Variants in LAMB4 observed in about 807,000 individuals in gnomAD.
LAMB4 encodes the protein laminin subunit beta 4.
Under a neutral mutation model 199.2 loss-of-function variants are expected in LAMB4, and 196 were observed. The observed-to-expected ratio is 0.98, with a 90% CI of 0.88 to 1.11. LAMB4 has a LOEUF of 1.11. Among genes scored for constraint, LAMB4 ranks in the 50% least tolerant of loss-of-function variants. The pLI is 0.00. For missense variants in LAMB4, 2,080 were observed against 2,171.2 expected (o/e 0.96, Z 0.83); for synonymous variants, 744 against 770.6 (o/e 0.97, Z 0.57).
In LAMB4 at chr7:108,103,119, GC is replaced by G. The variant is rs1388819649; in HGVS notation, c.1104del (p.Gln369SerfsTer41). The G allele has an allele frequency of 6.2e-7, 1 of 1,613,762 alleles. No homozygotes were observed. The highest frequency in any genetic ancestry group is 1.7e-5 in the Admixed American group (1 of 59,998). ...VCEDCQHNTE[G>X]QHCDRCRPLF... ...AGGGGTCTGCAGCGGTCGCAGTGCT[GC>G]CCCTCAGTGTTGTGCTGGCAGTCTT... On this transcript the variant is annotated frameshift_variant, in exon 10 of 34. Coordinates refer to ENST00000388781, the MANE Select transcript of LAMB4 (RefSeq NM_007356.3). LOFTEE classifies it high-confidence loss of function.
chr7:108,091,890 A>C, intron 13 of LAMB4, 114 bp from the exon 14 acceptor site: 1 of 1,004,524 alleles, frequency 1.0e-6, no homozygotes, highest in Non-Finnish European at 1.5e-6. Context: ...AGAATCAGTC[A>C]ATCAATGGTC....
Position 108,092,344 on chromosome 7 carries a change from A to G in LAMB4, c.1543T>C (p.Ser515Pro). Residue 515 changes from serine to proline, a missense_variant, in exon 13 of 34, where the codon TCT (serine) becomes CCT (proline). Coordinates refer to ENST00000388781, the MANE Select transcript of LAMB4 (RefSeq NM_007356.3). ...AAAACTTATTTGACTTACACGTTAG[A>G]ATAAGCACCTCCAATATCACAGTCA... ...PCDCDIGGAY[S>P]NVCSPKNGQC... 6.2e-7 allele frequency: 1 copy of G among 1,612,892 alleles called. No individual in the cohort carries two copies. Among genetic ancestry groups the G allele is most frequent in the Non-Finnish European group, 8.5e-7 (1 of 1,178,846 alleles).
At chr7:108,013,839 C>A in the LAMB4 span, among the ~76,000 whole-genome samples, 1 of 152,040 alleles carries the variant, frequency 6.6e-6, no homozygotes, top group African/African-American at 2.4e-5. Flanking sequence ...AATTACTATG[C>A]TGGACCCATG....
At chr7:108,041,015 T>A (rs1018994903) in intron 29 of LAMB4, among the ~76,000 whole-genome samples, 7 of 151,808 alleles carry the variant, frequency 4.6e-5, no homozygotes, top group African/African-American at 1.7e-4. Flanking sequence ...CTGACAAAGG[T>A]CTAATATCCA....
chr7:108,084,698 C>G (rs1410215959), intron 14 of LAMB4, among the ~76,000 whole-genome samples: 2 of 151,462 alleles, frequency 1.3e-5, no homozygotes, highest in Non-Finnish European at 2.9e-5. Flanking sequence ...CCGATAGCCC[C>G]AAGAAGCCAA....
chr7:108,022,977 G>A (rs762118499), downstream of LAMB4, among the ~76,000 whole-genome samples: 33 of 151,820 alleles, frequency 2.2e-4, no homozygotes, highest in Admixed American at 1.8e-3. Context: ...ATGCCCAGCT[G>A]ATTTTTTTGT....
At chr7:108,082,947 G>C (rs62468027) in intron 14 of LAMB4, among the ~76,000 whole-genome samples, 1 of 152,194 alleles carries the variant, frequency 6.6e-6, no homozygotes, top group African/African-American at 2.4e-5. Flanking sequence ...AAATTTAACC[G>C]TGGTATAGTC....
rs200024980 is a variant in LAMB4 at position 108,092,404 on chromosome 7, C to G, written c.1483G>C (p.Gly495Arg). 82 of 1,613,842 alleles carry G rather than the reference C, an allele frequency of 5.1e-5. No individual in the cohort carries two copies. Among genetic ancestry groups the G allele is most frequent in the Non-Finnish European group, 6.9e-5 (81 of 1,179,786 alleles). Residue 495 changes from glycine (G) to arginine (R), a missense_variant, in exon 13 of 34, where the codon GGC (glycine) becomes CGC (arginine). By Grantham distance (125) the Gly-to-Arg change is moderately radical. Coordinates refer to ENST00000388781, the MANE Select transcript of LAMB4 (RefSeq NM_007356.3). ...CACCCATGGAGATGATTTCCCAGGCCCCAGTATCCAACCTACAGAGAAAAA... is the reference window on the plus strand; with the variant it reads ...CACCCATGGAGATGATTTCCCAGGCGCCAGTATCCAACCTACAGAGAAAAA... ...HCEECTVGYWGLGNHLHGCSP... is the reference protein window; with the variant it reads ...HCEECTVGYWRLGNHLHGCSP...
chr7:108,125,926 C>T (rs747871737), intron 1 of LAMB4, among the ~76,000 whole-genome samples: 9 of 152,188 alleles, frequency 5.9e-5, no homozygotes, highest in Non-Finnish European at 1.3e-4. Flanking sequence ...GGTCATGGTA[C>T]AAAGACTACT....
intron 31 of LAMB4, among the ~76,000 whole-genome samples, chr7:108,033,589 CAT>C (rs957242816): frequency 4.0e-5 from 6 of 151,668 alleles, no homozygotes; most frequent in African/African-American, 1.5e-4. Flanking sequence ...TTGTATTTTT[CAT>C]AGAGACGGGG....
Position 108,048,021 on chromosome 7 carries a change from C to A in LAMB4, c.4213G>T (p.Gly1405Cys), listed in dbSNP as rs766166812. The stretch of plus-strand genomic sequence containing the variant: ...GTCAGGGAGCCGTGACAGCCGGGAC[C>A]CCTACACTTCCTGTGCCCCTTCCGG... ...TGRKGHRKCR[G>C]PGCHGSLTLS... The change falls in exon 28 of 34, where the codon GGT (glycine) becomes TGT (cysteine). Residue 1405 changes from glycine (G) to cysteine (C), a missense_variant. Physicochemically the swap from Gly to Cys is radical, Grantham distance 159. Coordinates refer to ENST00000388781, the MANE Select transcript of LAMB4 (RefSeq NM_007356.3). The A allele has an allele frequency of 6.2e-6, 10 of 1,614,100 alleles. No individual in the cohort carries two copies. Among genetic ancestry groups the A allele is most frequent in the East Asian group, 2.2e-5 (1 of 44,896 alleles).
chr7:108,094,401 A>G (rs927458901), intron 12 of LAMB4, among the ~76,000 whole-genome samples: 1 of 152,072 alleles, frequency 6.6e-6, no homozygotes, highest in South Asian at 2.1e-4. Context: ...TCCCTTCTTC[A>G]TATTTCCTTC....
At chr7:108,110,304 C>T (rs577772235) in intron 4 of LAMB4, among the ~76,000 whole-genome samples, 1 of 152,322 alleles carries the variant, frequency 6.6e-6, no homozygotes, top group Admixed American at 6.5e-5. Context: ...GCTGGGATTA[C>T]AGGTGTGAGC....
chr7:108,029,716 G>T (rs563817033), intron 32 of LAMB4, among the ~76,000 whole-genome samples: 1 of 152,194 alleles, frequency 6.6e-6, no homozygotes, highest in African/African-American at 2.4e-5. Flanking sequence ...CCCTTGAATA[G>T]AATGGAAATC....
At position 108,106,420 on chromosome 7, in the gene LAMB4, GAA is replaced by G. The variant is rs111986177; in HGVS notation, c.655+87_655+88del. On this transcript the variant is annotated intron_variant, in intron 7 of 33. Coordinates refer to ENST00000388781, the MANE Select transcript of LAMB4 (RefSeq NM_007356.3). ...ATGACAGGGCAAGACTCCGTCTCAAGAAAAAAAAAAAAGAAAAGCAATTACAA... is the reference window on the plus strand; with the variant it reads ...ATGACAGGGCAAGACTCCGTCTCAAGAAAAAAAAAAGAAAAGCAATTACAA... 3.6e-3 allele frequency: 2,428 copies of G among 669,130 alleles called. 1 individual carries two copies. Among genetic ancestry groups the G allele is most frequent in the African/African-American group, 7.4e-3 (367 of 49,458 alleles). 41.4% of individuals were successfully genotyped at this position (669,130 alleles called of 1,614,324 possible).
chr7:108,098,260 G>T (rs573730863), intron 11 of LAMB4, 143 bp downstream of exon 11: 1 of 368,684 alleles, frequency 2.7e-6, no homozygotes, highest in East Asian at 4.4e-5. Flanking sequence ...TTGAACCTGG[G>T]AGGTGGAGGT....
In LAMB4 at chr7:108,105,842, C is replaced by CTG; in HGVS notation, c.844_845insCA (p.Gly282AlafsTer65). On this transcript the variant is annotated frameshift_variant, in exon 8 of 34. Transcript: ENST00000388781. LOFTEE classifies it high-confidence loss of function. ...CATTCCAGGAGGGCTGAAAACATCT[C>CTG]CCCGCATCTTCTGCATAGGGCGACA... 1 of 1,614,192 alleles carries CTG rather than the reference C, an allele frequency of 6.2e-7. No individual in the cohort carries two copies.
rs914864571 is a variant in LAMB4, at chr7:108,117,637, C to T, written c.35-1476G>A. Among the ~76,000 whole-genome samples, 10 of 152,194 alleles carry T rather than the reference C, an allele frequency of 6.6e-5. No individual in the cohort carries two copies. In the South Asian group the frequency reaches 1.0e-3, roughly 16 times the overall value. The stretch of plus-strand genomic sequence containing the variant: ...AGAAAGAATTCAGGGCGAGTCCATA[C>T]GGTAAAGTGAAAGCAAGTTTATTAG... On this transcript the variant is annotated intron_variant, in intron 2 of 33. Transcript: ENST00000388781.
chr7:108,036,950 T>C (rs757433910), intron 30 of LAMB4, among the ~76,000 whole-genome samples: 12 of 151,122 alleles, frequency 7.9e-5, no homozygotes, highest in Admixed American at 6.6e-4. Flanking sequence ...ACTGAGAATA[T>C]ACTGAGGAAG....
Sources: gnomAD v4.1 joint callset for allele counts (sites outside exome capture counted in the v4.1 genomes callset) on GRCh38, gnomAD v4.1.1 for gene constraint, MANE v1.5 for transcripts, NCBI Gene and HGNC (gene_info 2026-07-23, HGNC 2026-07-21) for gene names.